Variants in SLC25A26 observed in about 807,000 individuals in gnomAD.
SLC25A26 encodes the protein solute carrier family 25 member 26, also known as mitochondrial S-adenosylmethionine carrier protein.
Under a neutral mutation model 37.8 loss-of-function variants are expected in SLC25A26, and 36 were observed. The ratio of observed to expected loss-of-function variants is 0.95; its 90% confidence interval spans 0.73 to 1.26. SLC25A26 has a LOEUF of 1.26. SLC25A26 is among the 50% of genes most tolerant of loss of function. The pLI is 0.00. For missense variants in SLC25A26, 390 were observed against 331.1 expected, an observed-to-expected ratio of 1.18 and a Z score of -1.38; for synonymous variants, 129 against 122.5, an observed-to-expected ratio of 1.05 and a Z score of -0.35.
At chr3:66,301,723 C>T (rs9820632) in intron 5 of SLC25A26, among the ~76,000 whole-genome samples, 7,948 of 152,178 alleles carry the variant, frequency 0.052, 624 homozygotes, top group African/African-American at 0.17. Context: ...GGATGAAACA[C>T]ATTTTATATG....
chr3:66,214,267 C>G (rs2071329102), intron 1 of SLC25A26, among the ~76,000 whole-genome samples: 1 of 152,256 alleles, frequency 6.6e-6, no homozygotes, highest in Non-Finnish European at 1.5e-5. Flanking sequence ...ACCCCCACCC[C>G]ACCTTCTGCC....
chr3:66,162,229 A>C (rs919020617), intron 1 of SLC25A26, among the ~76,000 whole-genome samples: 1 of 152,080 alleles, frequency 6.6e-6, no homozygotes, highest in South Asian at 2.1e-4. Flanking sequence ...ACATGGGATT[A>C]GGGACCACAC....
intron 6 of SLC25A26, among the ~76,000 whole-genome samples, chr3:66,357,513 CT>C (rs1480362134): frequency 6.6e-6 from 1 of 152,000 alleles, no homozygotes; most frequent in African/African-American, 2.4e-5. Context: ...TTTTAAATTC[CT>C]TATTGTTATT....
At position 66,209,903 on chromosome 3, in the gene SLC25A26, T is replaced by C. The variant is rs1433783609; in HGVS notation, c.-353-10839T>C. Among the ~76,000 whole-genome samples, 16 of 16,604 alleles carry C rather than the reference T, an allele frequency of 9.6e-4. 1 individual carries two copies. Among genetic ancestry groups the C allele is most frequent in the African/African-American group, 3.5e-3 (14 of 3,998 alleles). 10.9% of individuals were successfully genotyped at this position (16,604 alleles called of 152,430 possible). ...TCCTCTCTCTCTCTCTCTATTTATA[T>C]ATATATATATATATATATATATATA... On this transcript the variant is annotated intron_variant, in intron 1 of 10. Coordinates refer to the SLC25A26 transcript ENST00000676754.
At chr3:66,196,947 A>G (rs1207147083) in intron 1 of SLC25A26, among the ~76,000 whole-genome samples, 3 of 152,192 alleles carry the variant, frequency 2.0e-5, no homozygotes, top group Non-Finnish European at 4.4e-5. Flanking sequence ...ATTATCATCC[A>G]AGGCATATTT....
chr3:66,364,525 C>T (rs774281927), intron 7 of SLC25A26, among the ~76,000 whole-genome samples: 1 of 152,084 alleles, frequency 6.6e-6, no homozygotes, highest in Non-Finnish European at 1.5e-5. Context: ...TTTTGCTCCC[C>T]AACTCAGGAA....
At chr3:66,321,341 A>G (rs768753602) in intron 5 of SLC25A26, among the ~76,000 whole-genome samples, 7 of 152,214 alleles carry the variant, frequency 4.6e-5, no homozygotes, top group South Asian at 2.1e-4. Flanking sequence ...ATGAGAATCT[A>G]TGCATCTTGG....
chr3:66,212,465 T>C (rs1300633310), intron 1 of SLC25A26, among the ~76,000 whole-genome samples: 3 of 152,130 alleles, frequency 2.0e-5, no homozygotes, highest in African/African-American at 7.2e-5. Flanking sequence ...TTAAGCTTCA[T>C]AATCAGTATA....
chr3:66,226,019 C>G (rs1368020333), intron 1 of SLC25A26, among the ~76,000 whole-genome samples: 5 of 152,166 alleles, frequency 3.3e-5, no homozygotes, highest in Admixed American at 6.5e-5. Context: ...CTGTTCCAAC[C>G]CCTGCTTGTT....
At chr3:66,168,709 C>T (rs1205467850) in intron 1 of SLC25A26, among the ~76,000 whole-genome samples, 1 of 152,138 alleles carries the variant, frequency 6.6e-6, no homozygotes, top group African/African-American at 2.4e-5. Context: ...AAGATGGGTG[C>T]ATGTAAGCTT....
intron 5 of SLC25A26, among the ~76,000 whole-genome samples, chr3:66,308,883 G>A (rs1287907608): frequency 6.6e-6 from 1 of 152,122 alleles, no homozygotes; most frequent in Non-Finnish European, 1.5e-5. Context: ...CAGGGATGAA[G>A]CCTGCTTGAT....
chr3:66,297,769 C>T (rs1234110837), intron 5 of SLC25A26, among the ~76,000 whole-genome samples: 1 of 152,140 alleles, frequency 6.6e-6, no homozygotes, highest in Non-Finnish European at 1.5e-5. Flanking sequence ...ACTGTATGGA[C>T]CATAAAGCCT....
chr3:66,301,715 A>T (rs563658407), intron 5 of SLC25A26, among the ~76,000 whole-genome samples: 2 of 152,204 alleles, frequency 1.3e-5, no homozygotes, highest in African/African-American at 4.8e-5. Context: ...ACTTAGGTGG[A>T]TGAAACACAT....
At chr3:66,310,484 C>G (rs914556263) in intron 5 of SLC25A26, among the ~76,000 whole-genome samples, 1 of 152,162 alleles carries the variant, frequency 6.6e-6, no homozygotes, top group African/African-American at 2.4e-5. Context: ...ACTGGGGCAT[C>G]TAGCCCATTT....
Position 66,318,913 on chromosome 3 carries a change from G to A in SLC25A26, c.454-27451G>A, listed in dbSNP as rs1038542171. 3.9e-5 allele frequency among the ~76,000 whole-genome samples: 6 copies of A among 152,252 alleles called. No individual in the cohort carries two copies. In the East Asian group the frequency reaches 5.8e-4, roughly 15 times the overall value. ...GATCCTCCAACCTTGGCCTCCCAAA[G>A]TGCTGGGATTACAGACACGAACCAC... On this transcript the variant is annotated intron_variant, in intron 5 of 9. Coordinates refer to ENST00000354883, the MANE Select transcript of SLC25A26 (RefSeq NM_001379210.1).
chr3:66,247,728 A>G (rs1439850963), intron 3 of SLC25A26, among the ~76,000 whole-genome samples: 2 of 152,132 alleles, frequency 1.3e-5, no homozygotes, highest in Non-Finnish European at 2.9e-5. Context: ...TTGATCTTAA[A>G]CTTCCTGAAG....
intron 1 of SLC25A26, among the ~76,000 whole-genome samples, chr3:66,150,521 A>C (rs571322798): frequency 1.2e-5 from 1 of 86,302 alleles, no homozygotes; most frequent in Non-Finnish European, 2.3e-5. Context: ...ATATATATAT[A>C]ATGATATATA....
At chr3:66,223,881 A>G (rs556767730) in intron 1 of SLC25A26, among the ~76,000 whole-genome samples, 4 of 152,210 alleles carry the variant, frequency 2.6e-5, no homozygotes, top group Non-Finnish European at 5.9e-5. Context: ...TAGGAAAGCA[A>G]CTGGAACTAT....
chr3:66,345,852 A>G lies in SLC25A26; in HGVS notation c.454-512A>G, dbSNP rs151172332. On this transcript the variant is annotated intron_variant, in intron 5 of 9. Transcript: ENST00000354883. The stretch of plus-strand genomic sequence containing the variant: ...GCCAGACTATTGTGCTTCTGTTTCC[A>G]TTTCAAAGGGGATTCACAACATCAT... Among the ~76,000 whole-genome samples, 334 of 152,286 alleles carry G rather than the reference A, an allele frequency of 2.2e-3. 3 individuals carry two copies. The highest frequency in any genetic ancestry group is 4.7e-3 in the Admixed American group (72 of 15,300).
Sources: allele counts gnomAD v4.1 joint callset (sites outside exome capture counted in the v4.1 genomes callset), GRCh38; gene constraint gnomAD v4.1.1; transcripts MANE v1.5; gene names NCBI Gene and HGNC (gene_info 2026-07-23, HGNC 2026-07-21).